TOX3: variants seen among roughly 807,000 people sequenced by gnomAD.
The protein encoded by TOX3 is CAG trinucleotide repeat-containing gene F9 protein.
TOX3 carries 22 observed loss-of-function variants against 64.3 expected under a neutral mutation model. The ratio of observed to expected loss-of-function variants is 0.34; its 90% confidence interval spans 0.24 to 0.49. TOX3 has a LOEUF of 0.49. TOX3 is among the 20% of genes least tolerant of loss of function. The pLI, the probability that TOX3 is intolerant of heterozygous loss-of-function variation, is 0.99. For missense variants in TOX3, 661 were observed against 714.4 expected, an observed-to-expected ratio of 0.93 and a Z score of 0.85; for synonymous variants, 291 against 273.6, an observed-to-expected ratio of 1.06 and a Z score of -0.63.
chr16:52,505,009 A>C (rs181935059), intron 1 of TOX3, among the ~76,000 whole-genome samples: 21 of 152,082 alleles, frequency 1.4e-4, no homozygotes, highest in Admixed American at 2.6e-4. Context: ...TAATTTTTGT[A>C]TTTTTAGTAG....
At chr16:52,534,531 G>C (rs993342698) in intron 1 of TOX3, among the ~76,000 whole-genome samples, 4 of 151,992 alleles carry the variant, frequency 2.6e-5, no homozygotes, top group Non-Finnish European at 4.4e-5. Flanking sequence ...TAGCTACTCA[G>C]GAAGCTAAAT....
At chr16:52,451,452 ATTT>A (rs949685847) in intron 3 of TOX3, among the ~76,000 whole-genome samples, 1 of 150,960 alleles carries the variant, frequency 6.6e-6, no homozygotes, top group Non-Finnish European at 1.5e-5. Flanking sequence ...CTTATTCTCT[ATTT>A]TTTTTTAATT....
intron 3 of TOX3, among the ~76,000 whole-genome samples, chr16:52,455,137 T>C (rs571011127): frequency 6.6e-6 from 1 of 152,288 alleles, no homozygotes; most frequent in East Asian, 1.9e-4. Flanking sequence ...CAATTACATT[T>C]TATATGTAAT....
At chr16:52,521,037 T>C (rs1328743540) in intron 1 of TOX3, among the ~76,000 whole-genome samples, 1 of 152,218 alleles carries the variant, frequency 6.6e-6, no homozygotes, top group Non-Finnish European at 1.5e-5. Context: ...TATTTAATTC[T>C]AGCAAACCAA....
chr16:52,538,911 A>G (rs1963018989), intron 1 of TOX3, among the ~76,000 whole-genome samples: 1 of 152,188 alleles, frequency 6.6e-6, no homozygotes, highest in Non-Finnish European at 1.5e-5. Flanking sequence ...ACCTGTGAGA[A>G]GCTCATGCGG....
intron 6 of TOX3, among the ~76,000 whole-genome samples, chr16:52,443,366 G>A (rs184862615): frequency 2.5e-4 from 38 of 152,232 alleles, no homozygotes; most frequent in Non-Finnish European, 4.4e-4. Flanking sequence ...AAAGAGAGGA[G>A]GACCTCTGTT....
At chr16:52,496,702 T>A (rs1420578107) in intron 1 of TOX3, among the ~76,000 whole-genome samples, 1 of 152,186 alleles carries the variant, frequency 6.6e-6, no homozygotes, top group Non-Finnish European at 1.5e-5. Flanking sequence ...AAATCAATTT[T>A]CTTTTGGACA....
chr16:52,456,440 C>CTA (rs1960518188), intron 3 of TOX3, among the ~76,000 whole-genome samples: 1 of 152,180 alleles, frequency 6.6e-6, no homozygotes, highest in Admixed American at 6.5e-5. Flanking sequence ...GCATTGCCTT[C>CTA]TATCTATTGG....
chr16:52,458,873 CA>C (rs1432937787), intron 3 of TOX3, among the ~76,000 whole-genome samples: 1 of 152,118 alleles, frequency 6.6e-6, no homozygotes, highest in African/African-American at 2.4e-5. Flanking sequence ...GGTATAGTAA[CA>C]GCTAAATTAA....
chr16:52,534,152 C>T (rs777721450), intron 1 of TOX3, among the ~76,000 whole-genome samples: 9 of 152,142 alleles, frequency 5.9e-5, no homozygotes, highest in East Asian at 3.9e-4. Context: ...AAAAGGATTC[C>T]GCAGCAAAGG....
intron 2 of TOX3, among the ~76,000 whole-genome samples, chr16:52,465,005 CTTTTTTT>C (rs1168498170): frequency 2.4e-4 from 17 of 70,954 alleles, no homozygotes; most frequent in East Asian, 1.8e-3. Context: ...TTAATGCATT[CTTTTTTT>C]TTTTTTTTTT....
At chr16:52,524,341 C>T (rs986722070) in intron 1 of TOX3, among the ~76,000 whole-genome samples, 2 of 152,082 alleles carry the variant, frequency 1.3e-5, no homozygotes, top group African/African-American at 4.8e-5. Flanking sequence ...TTTAGACTGC[C>T]TGAAAGAAAA....
chr16:52,458,631 T>C (rs1041176463), intron 3 of TOX3, among the ~76,000 whole-genome samples: 1 of 152,246 alleles, frequency 6.6e-6, no homozygotes, highest in Non-Finnish European at 1.5e-5. Context: ...TGTATCACAC[T>C]GCACAAGGTC....
Position 52,547,055 on chromosome 16 carries a change from G to A in TOX3, c.-332C>T. 1 of 636,768 alleles carries A rather than the reference G, an allele frequency of 1.6e-6. No homozygotes were observed. Among genetic ancestry groups the A allele is most frequent in the South Asian group, 6.5e-5 (1 of 15,420 alleles). The allele number at this position is 636,768 out of a possible 1,614,324, so 39.4% of individuals were successfully genotyped here. ...TCGGCGAGGCGAGTTCAGGTGCGCTGGGCGAGGCTGGGACGGCGGCGGCGG... is the reference window on the plus strand; with the variant it reads ...TCGGCGAGGCGAGTTCAGGTGCGCTAGGCGAGGCTGGGACGGCGGCGGCGG... On this transcript the variant is annotated 5_prime_UTR_variant, in exon 1 of 7. Transcript: ENST00000219746.
intron 1 of TOX3, among the ~76,000 whole-genome samples, chr16:52,516,481 C>A (rs1243250237): frequency 6.6e-6 from 1 of 152,184 alleles, no homozygotes; most frequent in Non-Finnish European, 1.5e-5. Flanking sequence ...TTCTAAGTAG[C>A]CAATAATTGG....
chr16:52,437,853 T>A lies in TOX3; in HGVS notation c.*1372A>T, dbSNP rs1183177031. Among the ~76,000 whole-genome samples, 1 of 152,016 alleles carries A rather than the reference T, an allele frequency of 6.6e-6. No individual in the cohort carries two copies. The highest frequency in any genetic ancestry group is 1.5e-5 in the Non-Finnish European group (1 of 67,994). ...TATTTCCAATGCGTTGTTTTGGTTT[T>A]TTCAAGGATCTTCATTTCAGGCTAT... On this transcript the variant is annotated 3_prime_UTR_variant, in exon 7 of 7. Coordinates refer to ENST00000219746, the MANE Select transcript of TOX3 (RefSeq NM_001080430.4).
In TOX3 at chr16:52,514,919, G is replaced by A. The variant is rs529846233; in HGVS notation, c.87+31718C>T. ...CCAGCTACTTGGGAGGTTGAGGCAG[G>A]AGAATGGCATGAACCCGGGAGGTGG... On this transcript the variant is annotated intron_variant, in intron 1 of 6. Transcript: ENST00000219746. 6.3e-5 allele frequency among the ~76,000 whole-genome samples: 9 copies of A among 143,432 alleles called. No homozygotes were observed. The South Asian group carries it at 2.0e-3, about 32-fold the overall frequency. The allele number at this position is 143,432 out of a possible 152,430, so 94.1% of individuals were successfully genotyped here.
intron 2 of TOX3, among the ~76,000 whole-genome samples, chr16:52,465,187 G>C (rs1487488788): frequency 6.6e-6 from 1 of 151,144 alleles, no homozygotes; most frequent in Non-Finnish European, 1.5e-5. Flanking sequence ...GCTAATTCTT[G>C]AATTTTTTAG....
chr16:52,444,699 C>G (rs1960113226), intron 5 of TOX3: 1 of 188,268 alleles, frequency 5.3e-6, no homozygotes. Flanking sequence ...AATAAGGTAG[C>G]AAGAAGAATA....
Sources: gnomAD v4.1 joint callset for allele counts (sites outside exome capture counted in the v4.1 genomes callset) on GRCh38, gnomAD v4.1.1 for gene constraint, MANE v1.5 for transcripts, NCBI Gene and HGNC (gene_info 2026-07-23, HGNC 2026-07-21) for gene names.